KCND2: variants seen among roughly 807,000 people sequenced by gnomAD.
KCND2 encodes the protein potassium voltage-gated channel subfamily D member 2.
In KCND2, 16 loss-of-function variants were observed where a neutral mutation model predicts 54.4. The ratio of observed to expected loss-of-function variants is 0.29; its 90% CI spans 0.20 to 0.45. The LOEUF is 0.45. KCND2 is among the 20% of genes least tolerant of loss of function. The pLI, the probability that KCND2 is intolerant of heterozygous loss-of-function variation, is 1.00. For missense variants in KCND2, 486 were observed against 824.2 expected (o/e 0.59, Z 5.02); for synonymous variants, 317 against 310.7 (o/e 1.02, Z -0.21).
At chr7:120,734,215 T>C (rs574957501) in intron 2 of KCND2, among the ~76,000 whole-genome samples, 1 of 152,226 alleles carries the variant, frequency 6.6e-6, no homozygotes, top group South Asian at 2.1e-4. Flanking sequence ...CCCCCTTTGA[T>C]TGGCCAAAAC....
chr7:120,412,442 C>G (rs181973881), intron 1 of KCND2, among the ~76,000 whole-genome samples: 1 of 152,156 alleles, frequency 6.6e-6, no homozygotes, highest in East Asian at 1.9e-4. Context: ...GGCAATTAAT[C>G]TGTTTCCAAT....
chr7:120,574,242 A>G (rs920465072), intron 1 of KCND2, among the ~76,000 whole-genome samples: 1 of 152,216 alleles, frequency 6.6e-6, no homozygotes, highest in Non-Finnish European at 1.5e-5. Context: ...ATCCAGTTAA[A>G]TGTATTTTGG....
intron 1 of KCND2, among the ~76,000 whole-genome samples, chr7:120,445,991 C>T (rs1209192875): frequency 1.3e-5 from 2 of 152,120 alleles, no homozygotes; most frequent in Non-Finnish European, 2.9e-5. Flanking sequence ...ATACTACTGG[C>T]TTGGCACTAG....
intron 1 of KCND2, among the ~76,000 whole-genome samples, chr7:120,334,845 G>C (rs1355589828): frequency 6.6e-6 from 1 of 152,172 alleles, no homozygotes; most frequent in Non-Finnish European, 1.5e-5. Flanking sequence ...GATTTAAATT[G>C]TATTACAGTA....
intron 1 of KCND2, among the ~76,000 whole-genome samples, chr7:120,287,732 T>C (rs983997729): frequency 3.3e-5 from 5 of 151,972 alleles, no homozygotes; most frequent in African/African-American, 1.2e-4. Flanking sequence ...TAATCCCAGA[T>C]ACTTGGGAGG....
At chr7:120,516,654 G>A (rs1185825800) in intron 1 of KCND2, among the ~76,000 whole-genome samples, 1 of 152,056 alleles carries the variant, frequency 6.6e-6, no homozygotes, top group African/African-American at 2.4e-5. Context: ...TGCTGAAAGT[G>A]GATCATATGG....
intron 1 of KCND2, among the ~76,000 whole-genome samples, chr7:120,285,962 G>A (rs1333289803): frequency 6.6e-6 from 1 of 151,532 alleles, no homozygotes; most frequent in East Asian, 1.9e-4. Context: ...TTATTTTTAT[G>A]GAAAGAGTCC....
At chr7:120,420,354 A>G (rs181196502) in intron 1 of KCND2, among the ~76,000 whole-genome samples, 277 of 152,350 alleles carry the variant, frequency 1.8e-3, no homozygotes, top group African/African-American at 6.3e-3. Context: ...CAGTGGTTCA[A>G]TAGAACAGGC....
chr7:120,724,156 G>A (rs1454977892), intron 1 of KCND2, among the ~76,000 whole-genome samples: 1 of 152,114 alleles, frequency 6.6e-6, no homozygotes, highest in East Asian at 1.9e-4. Context: ...GCTCAGCACT[G>A]GACAAGGTCT....
intron 1 of KCND2, among the ~76,000 whole-genome samples, chr7:120,712,080 T>C (rs1177587049): frequency 6.6e-6 from 1 of 151,598 alleles, no homozygotes; most frequent in African/African-American, 2.4e-5. Context: ...CTGATGTTCC[T>C]TGTCCTACCT....
chr7:120,623,423 G>T (rs185440014), intron 1 of KCND2, among the ~76,000 whole-genome samples: 1 of 152,176 alleles, frequency 6.6e-6, no homozygotes. Context: ...TGTGCTATTG[G>T]TGAGCTGTAT....
intron 1 of KCND2, among the ~76,000 whole-genome samples, chr7:120,476,223 A>G (rs1480257156): frequency 6.6e-6 from 1 of 152,036 alleles, no homozygotes; most frequent in Non-Finnish European, 1.5e-5. Context: ...AAACCTTTCA[A>G]CCTTTCAATA....
chr7:120,724,876 A>C (rs1792713746), intron 1 of KCND2, among the ~76,000 whole-genome samples: 1 of 152,204 alleles, frequency 6.6e-6, no homozygotes, highest in African/African-American at 2.4e-5. Flanking sequence ...TGAGGGAATA[A>C]AGTGTTAAAA....
chr7:120,740,126 T>C (rs1792922636), intron 2 of KCND2, among the ~76,000 whole-genome samples: 1 of 152,048 alleles, frequency 6.6e-6, no homozygotes, highest in Non-Finnish European at 1.5e-5. Context: ...TAAAAATGTA[T>C]GTGTATATAC....
chr7:120,416,738 A>G (rs1801530006), intron 1 of KCND2, among the ~76,000 whole-genome samples: 1 of 151,522 alleles, frequency 6.6e-6, no homozygotes, highest in African/African-American at 2.4e-5. Flanking sequence ...TGCAAGATAC[A>G]AGGGAAAGAA....
chr7:120,318,500 A>G (rs1480091900), intron 1 of KCND2, among the ~76,000 whole-genome samples: 3 of 152,146 alleles, frequency 2.0e-5, no homozygotes, highest in Admixed American at 6.5e-5. Flanking sequence ...TTAATAAATT[A>G]TAACATCAGT....
chr7:120,353,008 C>T (rs1046981094), intron 1 of KCND2, among the ~76,000 whole-genome samples: 2 of 151,808 alleles, frequency 1.3e-5, no homozygotes, highest in Non-Finnish European at 2.9e-5. Context: ...AAATAATAAT[C>T]AGTAATATTT....
At chr7:120,713,166 T>C (rs1792562472) in intron 1 of KCND2, among the ~76,000 whole-genome samples, 1 of 152,152 alleles carries the variant, frequency 6.6e-6, no homozygotes, top group Non-Finnish European at 1.5e-5. Flanking sequence ...ATAAATGTTA[T>C]TTATTGTTTA....
chr7:120,714,453 A>G (rs1034392188), intron 1 of KCND2, among the ~76,000 whole-genome samples: 1 of 152,178 alleles, frequency 6.6e-6, no homozygotes, highest in African/African-American at 2.4e-5. Context: ...TTGCAGAATG[A>G]GCCAATATTG....
Sources: allele counts gnomAD v4.1 joint callset (sites outside exome capture counted in the v4.1 genomes callset), GRCh38; gene constraint gnomAD v4.1.1; transcripts MANE v1.5; gene names NCBI Gene and HGNC (gene_info 2026-07-23, HGNC 2026-07-21).